RBFOX1: variants seen among roughly 807,000 people sequenced by gnomAD.
RBFOX1 encodes RNA binding protein fox-1 homolog 1.
Under a neutral mutation model 57.7 loss-of-function variants are expected in RBFOX1, and 8 were observed. That is an observed-to-expected ratio of 0.14 (90% CI 0.08 to 0.25). The LOEUF (loss-of-function observed/expected upper bound fraction) is 0.25. Among genes scored for constraint, RBFOX1 ranks in the 10% least tolerant of loss-of-function variants. The probability of loss-of-function intolerance (pLI) is 1.00; values close to 1 mark genes in which losing one functional copy is unlikely to be tolerated. For synonymous variants in RBFOX1, 326 were observed against 222.4 expected, an observed-to-expected ratio of 1.47 and a Z score of -4.15; for missense variants, 611 against 548.5, an observed-to-expected ratio of 1.11 and a Z score of -1.14.
At chr16:6,463,109 A>G (rs1485519472) in intron 2 of RBFOX1, among the ~76,000 whole-genome samples, 2 of 141,012 alleles carry the variant, frequency 1.4e-5, no homozygotes, top group African/African-American at 2.6e-5. Flanking sequence ...TTCAACTTTT[A>G]TAAAAACAGC....
chr16:6,722,512 A>G (rs867993162), intron 3 of RBFOX1, among the ~76,000 whole-genome samples: 3 of 70,918 alleles, frequency 4.2e-5, no homozygotes, highest in East Asian at 1.1e-3. Context: ...ATGTAGATAA[A>G]TACTTGGCAT....
chr16:6,040,149 A>G (rs1402352207), intron 1 of RBFOX1, among the ~76,000 whole-genome samples: 1 of 152,240 alleles, frequency 6.6e-6, no homozygotes, highest in African/African-American at 2.4e-5. Context: ...TAGTTTACAT[A>G]TTAATTCACT....
At chr16:7,042,586 C>T (rs1171124966) in intron 3 of RBFOX1, among the ~76,000 whole-genome samples, 1 of 152,322 alleles carries the variant, frequency 6.6e-6, no homozygotes, top group East Asian at 1.9e-4. Flanking sequence ...ATATTACAAA[C>T]ATTGGATACA....
intron 2 of RBFOX1, among the ~76,000 whole-genome samples, chr16:5,553,131 G>A (rs1012067488): frequency 2.0e-5 from 3 of 152,064 alleles, no homozygotes; most frequent in Non-Finnish European, 2.9e-5. Context: ...CGGGCCTGTC[G>A]AGGGGTGACG....
intron 1 of RBFOX1, among the ~76,000 whole-genome samples, chr16:6,228,259 G>T (rs2097432157): frequency 6.6e-6 from 1 of 152,138 alleles, no homozygotes; most frequent in Non-Finnish European, 1.5e-5. Context: ...GGAGGCAGAG[G>T]TTGCGGTGAG....
intron 4 of RBFOX1, among the ~76,000 whole-genome samples, chr16:7,231,697 T>A (rs1443861699): frequency 6.6e-6 from 1 of 152,210 alleles, no homozygotes; most frequent in Non-Finnish European, 1.5e-5. Flanking sequence ...GGTCTATCCA[T>A]ACAATGAAAT....
At chr16:5,242,627 C>G (rs929840124) in intron 1 of RBFOX1, among the ~76,000 whole-genome samples, 9 of 152,260 alleles carry the variant, frequency 5.9e-5, no homozygotes, top group African/African-American at 1.7e-4. Context: ...ACAGAGTGCC[C>G]TTTTATGAGA....
At chr16:7,081,560 A>G (rs2059205783) in intron 4 of RBFOX1, among the ~76,000 whole-genome samples, 1 of 152,180 alleles carries the variant, frequency 6.6e-6, no homozygotes, top group African/African-American at 2.4e-5. Context: ...GAGTTTTTAT[A>G]TGGAGGACAT....
intron 3 of RBFOX1, among the ~76,000 whole-genome samples, chr16:5,808,725 G>T (rs547334965): frequency 6.6e-6 from 1 of 152,238 alleles, no homozygotes; most frequent in African/African-American, 2.4e-5. Context: ...CTGTTTGTCT[G>T]TTATTGGTGT....
chr16:5,999,898 AAAAAAAAAAGAGTGAAG>A (rs1567239172), intron 4 of RBFOX1, among the ~76,000 whole-genome samples: 2 of 57,702 alleles, frequency 3.5e-5, no homozygotes, highest in Non-Finnish European at 7.7e-5. Context: ...AAAAAAAAAA[AAAAAAAAAAGAGTGAAG>A]AAGGGAAATC....
At chr16:6,510,335 G>A (rs986713695) in intron 2 of RBFOX1, among the ~76,000 whole-genome samples, 2 of 152,098 alleles carry the variant, frequency 1.3e-5, no homozygotes, top group African/African-American at 4.8e-5. Context: ...AACTGCTTTT[G>A]TTCGTGGAAG....
At chr16:5,285,491 T>C (rs1419833050) in intron 1 of RBFOX1, among the ~76,000 whole-genome samples, 2 of 152,346 alleles carry the variant, frequency 1.3e-5, no homozygotes, top group East Asian at 1.9e-4. Context: ...TGGAGAATTA[T>C]TGTGCTTCTT....
chr16:6,685,759 C>G (rs371113824), intron 3 of RBFOX1, among the ~76,000 whole-genome samples: 2 of 152,074 alleles, frequency 1.3e-5, no homozygotes, highest in African/African-American at 4.8e-5. Flanking sequence ...TGCCCCTATC[C>G]TTTTTCCCTC....
chr16:7,359,141 C>G (rs543603668), intron 4 of RBFOX1, among the ~76,000 whole-genome samples: 1 of 152,172 alleles, frequency 6.6e-6, no homozygotes, highest in African/African-American at 2.4e-5. Context: ...GGTCCAATTC[C>G]TAGCCATCCG....
intron 3 of RBFOX1, among the ~76,000 whole-genome samples, chr16:5,763,331 G>T (rs973486325): frequency 1.3e-5 from 2 of 152,180 alleles, no homozygotes; most frequent in Admixed American, 6.5e-5. Context: ...TGTTCATGCT[G>T]CTCGTTGCCC....
intron 2 of RBFOX1, among the ~76,000 whole-genome samples, chr16:6,362,219 A>T (rs1017756163): frequency 6.7e-6 from 1 of 149,374 alleles, no homozygotes; most frequent in Non-Finnish European, 1.5e-5. Context: ...AATTTGATGT[A>T]ATCGATGCAT....
chr16:5,367,234 G>A (rs919885479), intron 1 of RBFOX1, among the ~76,000 whole-genome samples: 4 of 152,122 alleles, frequency 2.6e-5, no homozygotes, highest in Admixed American at 2.6e-4. Context: ...AAGCCTAAAG[G>A]AAGATAGTTT....
At chr16:6,606,943 A>G (rs953596245) in intron 2 of RBFOX1, among the ~76,000 whole-genome samples, 2 of 152,240 alleles carry the variant, frequency 1.3e-5, no homozygotes, top group African/African-American at 4.8e-5. Flanking sequence ...ACTGTCTTTC[A>G]CAATGGTTGA....
At chr16:5,770,838 G>A (rs972554896) in intron 3 of RBFOX1, among the ~76,000 whole-genome samples, 1 of 152,206 alleles carries the variant, frequency 6.6e-6, no homozygotes, top group South Asian at 2.1e-4. Context: ...GCCCATGACA[G>A]ACATCACTAG....
Sources: gnomAD v4.1 joint callset for allele counts (sites outside exome capture counted in the v4.1 genomes callset) on GRCh38, gnomAD v4.1.1 for gene constraint, MANE v1.5 for transcripts, NCBI Gene and HGNC (gene_info 2026-07-23, HGNC 2026-07-21) for gene names.